Variants in CALN1 observed in about 807,000 individuals in gnomAD.
CALN1 encodes the protein calneuron 1.
Under a neutral mutation model 30.6 loss-of-function variants are expected in CALN1, and 17 were observed. The ratio of observed to expected loss-of-function variants is 0.56; its 90% confidence interval spans 0.38 to 0.83. The LOEUF (loss-of-function observed/expected upper bound fraction) is 0.83. CALN1 is among the 40% of genes least tolerant of loss of function. The pLI is 0.00. For missense variants in CALN1, 291 were observed against 354.9 expected (o/e 0.82, Z 1.45); for synonymous variants, 156 against 131.4 (o/e 1.19, Z -1.28).
intron 5 of CALN1, among the ~76,000 whole-genome samples, chr7:71,900,425 A>G (rs1793786106): frequency 6.6e-6 from 1 of 152,242 alleles, no homozygotes; most frequent in African/African-American, 2.4e-5. Flanking sequence ...GACTCTGCCA[A>G]AAGACTCCTA....
chr7:72,148,442 AAAG>A, intron 3 of CALN1, among the ~76,000 whole-genome samples: 1 of 151,270 alleles, frequency 6.6e-6, no homozygotes, highest in African/African-American at 2.4e-5. Flanking sequence ...AAAAAGAAAA[AAAG>A]AAAAAAAAAT....
intron 3 of CALN1, among the ~76,000 whole-genome samples, chr7:72,249,886 A>G (rs6962083): frequency 0.69 from 102,721 of 149,180 alleles, 35,938 homozygotes; most frequent in East Asian, 1. Context: ...GCAGTGAGCC[A>G]AGATCACACC....
chr7:72,095,132 A>G (rs995960157), intron 4 of CALN1, among the ~76,000 whole-genome samples: 1 of 152,164 alleles, frequency 6.6e-6, no homozygotes, highest in African/African-American at 2.4e-5. Context: ...GGCTCTTACT[A>G]GTGGCATGAC....
chr7:71,979,577 A>G (rs1021889278), intron 5 of CALN1, among the ~76,000 whole-genome samples: 3 of 152,200 alleles, frequency 2.0e-5, no homozygotes, highest in African/African-American at 7.2e-5. Context: ...CTGTAAATAC[A>G]GATGAATCTT....
At chr7:72,300,471 G>A (rs929064944) in intron 2 of CALN1, among the ~76,000 whole-genome samples, 1 of 151,602 alleles carries the variant, frequency 6.6e-6, no homozygotes, top group Non-Finnish European at 1.5e-5. Context: ...AAATCAATAA[G>A]CAAAGTGCAT....
intron 6 of CALN1, among the ~76,000 whole-genome samples, chr7:71,806,014 C>T (rs1487592903): frequency 1.3e-5 from 2 of 152,182 alleles, no homozygotes; most frequent in East Asian, 1.9e-4. Context: ...CATGTTCTCA[C>T]TCATAAGCGG....
chr7:72,215,109 A>T (rs926896415), intron 3 of CALN1, among the ~76,000 whole-genome samples: 21 of 152,168 alleles, frequency 1.4e-4, no homozygotes, highest in African/African-American at 4.3e-4. Context: ...GCTCCATGGG[A>T]AAAAGCATCT....
At chr7:72,006,956 A>T (rs1456149795) in intron 5 of CALN1, among the ~76,000 whole-genome samples, 1 of 152,146 alleles carries the variant, frequency 6.6e-6, no homozygotes, top group Non-Finnish European at 1.5e-5. Context: ...ATACAGATTA[A>T]ATCAATCCAC....
At chr7:71,952,116 A>G (rs765181981) in intron 5 of CALN1, among the ~76,000 whole-genome samples, 15 of 152,166 alleles carry the variant, frequency 9.9e-5, no homozygotes, top group Non-Finnish European at 1.6e-4. Flanking sequence ...ATGAAAAATG[A>G]AGAGTCTGCC....
intron 1 of CALN1, among the ~76,000 whole-genome samples, chr7:72,445,495 A>T (rs919540590): frequency 7.2e-5 from 11 of 152,148 alleles, no homozygotes; most frequent in African/African-American, 2.7e-4. Context: ...AACCAGCATG[A>T]CCAAGGCCTC....
intron 2 of CALN1, among the ~76,000 whole-genome samples, chr7:72,300,355 T>C (rs370031865): frequency 6.6e-6 from 1 of 151,852 alleles, no homozygotes; most frequent in Non-Finnish European, 1.5e-5. Flanking sequence ...TGTCCTGAGA[T>C]GTAGCCAAAG....
Position 72,106,262 on chromosome 7 carries a change from C to G in CALN1, c.277G>C (p.Asp93His), listed in dbSNP as rs1563063132. The G allele has an allele frequency of 6.2e-7, 1 of 1,614,092 alleles. No individual in the cohort carries two copies. Among genetic ancestry groups the G allele is most frequent in the Admixed American group, 1.7e-5 (1 of 60,010 alleles). Residue 93 changes from aspartate (D) to histidine (H), a missense_variant, in exon 4 of 7, where the codon GAT becomes CAT. By Grantham distance (81) the Asp-to-His change is moderately conservative. Transcript: ENST00000395275. ...IREAFRVLDR[D>H]GNGFISKQEL... ...TGCTTGGAGATGAAGCCGTTCCCAT[C>G]CCGGTCCAGAACCCGAAAGGCCTCT...
At chr7:72,032,690 G>A (rs1801534981) in intron 4 of CALN1, among the ~76,000 whole-genome samples, 1 of 152,168 alleles carries the variant, frequency 6.6e-6, no homozygotes. Flanking sequence ...TAATGCAAAT[G>A]GCAATTGTCA....
chr7:72,028,742 A>G (rs6943450), intron 4 of CALN1, among the ~76,000 whole-genome samples: 5,275 of 152,250 alleles, frequency 0.035, 323 homozygotes, highest in African/African-American at 0.12. Flanking sequence ...TGTAATCCCA[A>G]CACTTTGGGA....
chr7:72,138,990 T>TC (rs1326921628), intron 3 of CALN1, among the ~76,000 whole-genome samples: 1 of 152,240 alleles, frequency 6.6e-6, no homozygotes. Flanking sequence ...CATCTAGCGT[T>TC]CAATCTCAAA....
intron 4 of CALN1, among the ~76,000 whole-genome samples, chr7:72,085,095 G>A (rs550239457): frequency 1.3e-5 from 2 of 152,186 alleles, no homozygotes; most frequent in African/African-American, 4.8e-5. Context: ...TCTGACTTAC[G>A]GTCAGAAGGT....
intron 2 of CALN1, among the ~76,000 whole-genome samples, chr7:72,334,311 A>C (rs1801862883): frequency 6.6e-6 from 1 of 152,196 alleles, no homozygotes; most frequent in South Asian, 2.1e-4. Context: ...GTGGTAAAAG[A>C]CACCACTGCA....
intron 2 of CALN1, among the ~76,000 whole-genome samples, chr7:72,381,401 G>A (rs1562935046): frequency 6.6e-6 from 1 of 152,144 alleles, no homozygotes; most frequent in Non-Finnish European, 1.5e-5. Flanking sequence ...GTTTACTGCA[G>A]CACTATTTAC....
chr7:72,347,793 T>C (rs1802723846), intron 2 of CALN1, among the ~76,000 whole-genome samples: 1 of 152,174 alleles, frequency 6.6e-6, no homozygotes, highest in Non-Finnish European at 1.5e-5. Context: ...TTTGCTTCTA[T>C]GTTACTAGGT....
Sources: allele counts gnomAD v4.1 joint callset (sites outside exome capture counted in the v4.1 genomes callset), GRCh38; gene constraint gnomAD v4.1.1; transcripts MANE v1.5; gene names NCBI Gene and HGNC (gene_info 2026-07-23, HGNC 2026-07-21).